The following LEF1 variants were observed in gnomAD, a reference collection of about 807,000 sequenced individuals.
The protein encoded by LEF1 is lymphoid enhancer binding factor 1.
In LEF1, 14 loss-of-function variants were observed where a neutral mutation model predicts 51.2. The observed-to-expected ratio is 0.27, with a 90% confidence interval of 0.18 to 0.43. The LOEUF (loss-of-function observed/expected upper bound fraction) is 0.43, where lower values mean the gene tolerates loss of function less well. LEF1 is among the 20% of genes least tolerant of loss of function. The probability of loss-of-function intolerance (pLI) is 1.00; values close to 1 mark genes in which losing one functional copy is unlikely to be tolerated. For missense variants in LEF1, 386 were observed against 512.0 expected, an observed-to-expected ratio of 0.75 and a Z score of 2.37; for synonymous variants, 185 against 183.2, an observed-to-expected ratio of 1.01 and a Z score of -0.08.
intron 9 of LEF1, among the ~76,000 whole-genome samples, chr4:108,069,848 C>T (rs1402819743): frequency 6.6e-6 from 1 of 151,648 alleles, no homozygotes; most frequent in Non-Finnish European, 1.5e-5. Context: ...ATCCCAACTG[C>T]TTGAGAGGCT....
At chr4:108,074,145 A>G (rs1030584990) in intron 8 of LEF1, among the ~76,000 whole-genome samples, 1 of 152,252 alleles carries the variant, frequency 6.6e-6, no homozygotes, top group African/African-American at 2.4e-5. Context: ...CATTGAAAAC[A>G]AAAACAAAGT....
At position 108,051,239 on chromosome 4, in the gene LEF1, T is replaced by C. The variant is rs528546744; in HGVS notation, c.*7-2488A>G. Among the ~76,000 whole-genome samples the C allele has an allele frequency of 1.3e-3, 194 of 151,954 alleles. 1 individual carries two copies. The highest frequency in any genetic ancestry group is 2.4e-3 in the Non-Finnish European group (160 of 67,944). On this transcript the variant is annotated intron_variant, in intron 11 of 11. Transcript: ENST00000265165. ...CAGTTGCTTACCAAAAAGCAACTAA[T>C]CCCTTTCAGGGACTAGTGCTTAAAA...
chr4:108,059,217 C>T (rs999808326), intron 11 of LEF1, among the ~76,000 whole-genome samples: 1 of 152,234 alleles, frequency 6.6e-6, no homozygotes, highest in Non-Finnish European at 1.5e-5. Context: ...GAATAAAGCA[C>T]TGATTCAGGA....
At chr4:108,150,301 C>A (rs576792106) in intron 3 of LEF1, among the ~76,000 whole-genome samples, 1 of 152,110 alleles carries the variant, frequency 6.6e-6, no homozygotes, top group South Asian at 2.1e-4. Flanking sequence ...AATAATGAAA[C>A]CTTTGGTCAT....
chr4:108,144,966 C>T (rs1743910960), intron 3 of LEF1, among the ~76,000 whole-genome samples: 1 of 150,484 alleles, frequency 6.6e-6, no homozygotes, highest in African/African-American at 2.4e-5. Context: ...AACAGCCACA[C>T]TTTCAGAAGT....
intron 3 of LEF1, among the ~76,000 whole-genome samples, chr4:108,093,159 G>A (rs960458585): frequency 6.6e-6 from 1 of 152,106 alleles, no homozygotes; most frequent in African/African-American, 2.4e-5. Flanking sequence ...GGTAGGTCAA[G>A]CCAGGACTAC....
At position 108,100,641 on chromosome 4, in the gene LEF1, C is replaced by T. The variant is rs190111336; in HGVS notation, c.415-11384G>A. On this transcript the variant is annotated intron_variant, in intron 3 of 11. Transcript: ENST00000265165. The stretch of plus-strand genomic sequence containing the variant: ...TGAATTTACAGTAGTGTCCAGGAGC[C>T]GGCTTGTTCTAGCTCAGAGACCTGA... Among the ~76,000 whole-genome samples the T allele has an allele frequency of 5.9e-5, 9 of 152,138 alleles. No homozygotes were observed. In the East Asian group the frequency reaches 1.2e-3, roughly 20 times the overall value.
intron 8 of LEF1, among the ~76,000 whole-genome samples, chr4:108,075,029 G>C (rs531807366): frequency 6.6e-6 from 1 of 152,350 alleles, no homozygotes; most frequent in South Asian, 2.1e-4. Context: ...TAAAGAGTCA[G>C]GGAAAATGAT....
chr4:108,111,987 T>A (rs141305024), intron 3 of LEF1, among the ~76,000 whole-genome samples: 1 of 152,312 alleles, frequency 6.6e-6, no homozygotes, highest in East Asian at 1.9e-4. Context: ...CTATTGACAC[T>A]GTATCTTCTC....
At chr4:108,119,294 A>G (rs1488039936) in intron 3 of LEF1, among the ~76,000 whole-genome samples, 7 of 151,024 alleles carry the variant, frequency 4.6e-5, no homozygotes. Flanking sequence ...TTTTCCTTTC[A>G]TTTAGAATAG....
chr4:108,066,579 G>A (rs1307563529), intron 9 of LEF1, among the ~76,000 whole-genome samples: 1 of 152,180 alleles, frequency 6.6e-6, no homozygotes, highest in Non-Finnish European at 1.5e-5. Context: ...GTGACCAACT[G>A]AGCCTGCACC....
intron 3 of LEF1, among the ~76,000 whole-genome samples, chr4:108,099,578 A>ATGTGTG (rs778362206): frequency 0.081 from 3,586 of 44,294 alleles, 353 homozygotes; most frequent in African/African-American, 0.099. Flanking sequence ...GTGTATATAT[A>ATGTGTG]TATATATATA....
chr4:108,072,305 T>C (rs768625573), intron 8 of LEF1: 1 of 152,224 alleles, frequency 6.6e-6, no homozygotes, highest in African/African-American at 2.4e-5. Flanking sequence ...GCCCCTAAAG[T>C]GTAGCTAAGA....
intron 3 of LEF1, among the ~76,000 whole-genome samples, chr4:108,124,157 A>G (rs79423483): frequency 0.042 from 6,381 of 151,672 alleles, 160 homozygotes; most frequent in Non-Finnish European, 0.062. Flanking sequence ...AAAACAAAAA[A>G]CTTTTCTCTT....
chr4:108,132,822 C>T (rs1742987852), intron 3 of LEF1, among the ~76,000 whole-genome samples: 1 of 151,412 alleles, frequency 6.6e-6, no homozygotes, highest in Admixed American at 6.6e-5. Context: ...GCATGTACCA[C>T]AACACCCACC....
chr4:108,094,178 T>C (rs962876879), intron 3 of LEF1, among the ~76,000 whole-genome samples: 1 of 152,192 alleles, frequency 6.6e-6, no homozygotes, highest in Admixed American at 6.5e-5. Context: ...TGAGAGCATG[T>C]GACATCTATG....
At chr4:108,116,872 A>G (rs1277571526) in intron 3 of LEF1, among the ~76,000 whole-genome samples, 1 of 152,236 alleles carries the variant, frequency 6.6e-6, no homozygotes, top group Non-Finnish European at 1.5e-5. Context: ...TAGAGTGCCA[A>G]GAACAGTGCT....
intron 4 of LEF1, among the ~76,000 whole-genome samples, chr4:108,086,276 G>A (rs1739641448): frequency 6.6e-6 from 1 of 151,936 alleles, no homozygotes; most frequent in African/African-American, 2.4e-5. Flanking sequence ...TTTTAGAGCT[G>A]AGGGGGTCTC....
chr4:108,070,434 T>C, intron 9 of LEF1: 1 of 345,714 alleles, frequency 2.9e-6, no homozygotes, highest in Non-Finnish European at 5.1e-6. Flanking sequence ...TATTAGTTTA[T>C]TTCAAAAATT....
Sources: gnomAD v4.1 joint callset for allele counts (sites outside exome capture counted in the v4.1 genomes callset) on GRCh38, gnomAD v4.1.1 for gene constraint, MANE v1.5 for transcripts, NCBI Gene and HGNC (gene_info 2026-07-23, HGNC 2026-07-21) for gene names.